ZNF317: variants seen among roughly 807,000 people sequenced by gnomAD.
ZNF317 encodes the protein zinc finger protein 317, also known as KRAB-containing zinc finger protein 317.
A neutral mutation model predicts 23.4 loss-of-function variants in ZNF317; 17 were observed. That is an observed-to-expected ratio of 0.73 (90% CI 0.50 to 1.09). ZNF317 has a LOEUF of 1.09. ZNF317 is among the 50% of genes least tolerant of loss of function. ZNF317 has a pLI of 0.00. For synonymous variants in ZNF317, 317 were observed against 314.9 expected (o/e 1.01, Z -0.07); for missense variants, 679 against 796.7 (o/e 0.85, Z 1.78).
At chr19:9,151,789 A>G (rs1470944236) in intron 1 of ZNF317, among the ~76,000 whole-genome samples, 2 of 152,096 alleles carry the variant, frequency 1.3e-5, no homozygotes, top group Non-Finnish European at 2.9e-5. Context: ...TCCCTATCAC[A>G]TACATGATTT....
intron 5 of ZNF317, among the ~76,000 whole-genome samples, chr19:9,158,302 T>C (rs1234387332): frequency 6.6e-6 from 1 of 151,880 alleles, no homozygotes; most frequent in Non-Finnish European, 1.5e-5. Context: ...TATTTGATGT[T>C]TCTGATCATC....
intron 1 of ZNF317, among the ~76,000 whole-genome samples, chr19:9,149,021 A>T (rs1439044111): frequency 6.6e-6 from 1 of 152,218 alleles, no homozygotes; most frequent in African/African-American, 2.4e-5. Context: ...ACAACAGGAA[A>T]ACTTTTGACA....
chr19:9,148,042 C>T (rs1174795219), intron 1 of ZNF317, among the ~76,000 whole-genome samples: 2 of 152,120 alleles, frequency 1.3e-5, no homozygotes, highest in Non-Finnish European at 2.9e-5. Flanking sequence ...CTGTCTTGCT[C>T]CTGCTTCACC....
chr19:9,145,532 T>C (rs2050675398), intron 1 of ZNF317, among the ~76,000 whole-genome samples: 1 of 152,206 alleles, frequency 6.6e-6, no homozygotes, highest in Non-Finnish European at 1.5e-5. Context: ...GTAACCTGTC[T>C]TTTTCTCCTC....
At chr19:9,144,483 ATTCTCC>A (rs1313918182) in intron 1 of ZNF317, among the ~76,000 whole-genome samples, 1 of 140,278 alleles carries the variant, frequency 7.1e-6, no homozygotes, top group African/African-American at 2.9e-5. Flanking sequence ...TATTTTTGTC[ATTCTCC>A]TTTTTTATTT....
chr19:9,160,395 C>G lies in ZNF317; in HGVS notation c.750C>G (p.Tyr250Ter), dbSNP rs141277819. 6.2e-7 allele frequency: 1 copy of G among 1,614,194 alleles called. No homozygotes were observed. Among genetic ancestry groups the G allele is most frequent in the South Asian group, 1.1e-5 (1 of 91,084 alleles). Residue 250 changes from tyrosine to a stop codon, truncating the protein, a stop_gained, in exon 7 of 7, where the codon TAC becomes TAG. Transcript: ENST00000247956. LOFTEE classifies it low-confidence loss of function (END_TRUNC). This position sits in a 1 kb window ranked among gnomAD's most constrained non-coding sequence, Gnocchi z 6.8. ...HRRIHTGEKP[Y>*]ECSDCGKAFN... ...GAATCCACACCGGGGAGAAGCCTTACGAGTGCAGCGACTGCGGGAAAGCCT... is the reference window on the plus strand; with the variant it reads ...GAATCCACACCGGGGAGAAGCCTTAGGAGTGCAGCGACTGCGGGAAAGCCT...
At chr19:9,158,526 C>A (rs757333773) in intron 5 of ZNF317, among the ~76,000 whole-genome samples, 15 of 151,694 alleles carry the variant, frequency 9.9e-5, no homozygotes, top group Non-Finnish European at 1.9e-4. Context: ...TATTAGTAGA[C>A]ATGGGTTTCA....
intron 5 of ZNF317, among the ~76,000 whole-genome samples, chr19:9,158,363 C>CT (rs200591339): frequency 0.063 from 4,808 of 76,408 alleles, 785 homozygotes; most frequent in African/African-American, 0.097. Flanking sequence ...TTTCTTTTTT[C>CT]TTTTTTTTTT....
chr19:9,156,858 A>T, intron 3 of ZNF317, 110 bp downstream of exon 3: 1 of 1,363,614 alleles, frequency 7.3e-7, no homozygotes, highest in African/African-American at 1.4e-5. Flanking sequence ...GGATGCCAGA[A>T]CAGGGCCCAA....
At position 9,143,923 on chromosome 19, in the gene ZNF317, C is replaced by CTTT. The variant is rs375892513; in HGVS notation, c.-93+3344_-93+3346dup. Among the ~76,000 whole-genome samples, 100 of 124,016 alleles carry CTTT rather than the reference C, an allele frequency of 8.1e-4. 4 individuals are homozygous for CTTT. The highest frequency in any genetic ancestry group is 7.8e-3 in the South Asian group (29 of 3,728). 81.4% of individuals were successfully genotyped at this position (124,016 alleles called of 152,430 possible). ...TGATACTAACATTCAAACCAGCTTT[C>CTTT]TTTTTTTTTTTTTTTACTTGCCTTA... is the stretch of plus-strand genomic sequence containing the variant. On this transcript the variant is annotated intron_variant, in intron 1 of 6. Transcript: ENST00000247956.
intron 1 of ZNF317, among the ~76,000 whole-genome samples, chr19:9,154,238 A>T (rs1414750656): frequency 6.6e-6 from 1 of 152,136 alleles, no homozygotes; most frequent in Non-Finnish European, 1.5e-5. Context: ...TCTTTCTTTT[A>T]AGCAGGGTTT....
Position 9,160,250 on chromosome 19 carries a change from C to A in ZNF317, c.605C>A (p.Ala202Glu). The A allele has an allele frequency of 6.2e-7, 1 of 1,614,144 alleles. No individual in the cohort carries two copies. Among genetic ancestry groups the A allele is most frequent in the Non-Finnish European group, 8.5e-7 (1 of 1,180,022 alleles). Residue 202 changes from alanine (A) to glutamate (E), a missense_variant, in exon 7 of 7, where the codon GCG becomes GAG. By Grantham distance (107) the Ala-to-Glu change is moderately radical. Transcript: ENST00000247956. The surrounding 1 kb of genome is among the most constrained non-coding windows in gnomAD (Gnocchi z 6.8). The part of the protein sequence containing the change: ...RPYHRRDYGV[A>E]FKGRPHLTQH... ...TATCACCGCCGCGACTATGGGGTAG[C>A]GTTCAAGGGCAGGCCGCACCTCACT...
At position 9,160,251 on chromosome 19, in the gene ZNF317, G is replaced by C. The variant is rs373278761; in HGVS notation, c.606G>C (p.Ala202=). ...RPYHRRDYGV[A]FKGRPHLTQH... The stretch of plus-strand genomic sequence containing the variant: ...ATCACCGCCGCGACTATGGGGTAGC[G>C]TTCAAGGGCAGGCCGCACCTCACTC... Residue 202 remains alanine, a synonymous_variant, in exon 7 of 7, where the codon GCG becomes GCC. Coordinates refer to ENST00000247956, the MANE Select transcript of ZNF317 (RefSeq NM_020933.5). This position sits in a 1 kb window ranked among gnomAD's most constrained non-coding sequence, Gnocchi z 6.8. 33 of 1,614,032 alleles carry C rather than the reference G, an allele frequency of 2.0e-5. No individual in the cohort carries two copies. The highest frequency in any genetic ancestry group is 1.6e-4 in the Middle Eastern group (1 of 6,084).
At chr19:9,159,044 A>G in intron 6 of ZNF317, 136 bp downstream of exon 6, 1 of 638,498 alleles carries the variant, frequency 1.6e-6, no homozygotes, top group Non-Finnish European at 2.8e-6. Flanking sequence ...GACACTGGGT[A>G]TTACCAAGAT....
intron 4 of ZNF317, 75 bp from the exon 5 acceptor site, chr19:9,157,905 G>GTA (rs1373366864): frequency 2.0e-6 from 3 of 1,500,124 alleles, no homozygotes; most frequent in Admixed American, 4.6e-5. Context: ...AGACCCAAGT[G>GTA]TTGAGCCCAG....
intron 1 of ZNF317, among the ~76,000 whole-genome samples, chr19:9,144,559 C>A (rs1332945031): frequency 1.3e-5 from 2 of 148,448 alleles, no homozygotes; most frequent in East Asian, 3.9e-4. Context: ...ATAATTCTTA[C>A]CCATGCTCAT....
chr19:9,152,289 G>A (rs1190209027), intron 1 of ZNF317, among the ~76,000 whole-genome samples: 1 of 152,068 alleles, frequency 6.6e-6, no homozygotes, highest in Non-Finnish European at 1.5e-5. Flanking sequence ...TTCTTCTAGA[G>A]CCTGTTTGGG....
At chr19:9,154,312 T>C (rs1039994708) in intron 1 of ZNF317, among the ~76,000 whole-genome samples, 7 of 152,352 alleles carry the variant, frequency 4.6e-5, no homozygotes, top group South Asian at 4.1e-4. Context: ...TTGACAATTG[T>C]GTACACTGTA....
chr19:9,142,052 G>A (rs113633354), intron 1 of ZNF317, among the ~76,000 whole-genome samples: 3 of 151,992 alleles, frequency 2.0e-5, no homozygotes, highest in Admixed American at 6.6e-5. Context: ...GTGATCCACC[G>A]GCCTTGGCCT....
Sources: allele counts gnomAD v4.1 joint callset (sites outside exome capture counted in the v4.1 genomes callset), GRCh38; gene constraint gnomAD v4.1.1; non-coding constraint Gnocchi (gnomAD v3.1); transcripts MANE v1.5; gene names NCBI Gene and HGNC (gene_info 2026-07-23, HGNC 2026-07-21).